The following SYTL3 variants were observed in gnomAD, a reference collection of about 807,000 sequenced individuals.
The protein encoded by SYTL3 is synaptotagmin-like protein 3.
A neutral mutation model predicts 82.1 loss-of-function variants in SYTL3; 88 were observed. That is an observed-to-expected ratio of 1.07 (90% CI 0.90 to 1.28). The LOEUF (loss-of-function observed/expected upper bound fraction) is 1.28, where lower values mean the gene tolerates loss of function less well. Among genes scored for constraint, SYTL3 ranks in the 50% most tolerant of loss-of-function variants. SYTL3 has a pLI of 0.00. For missense variants in SYTL3, 831 were observed against 757.6 expected (o/e 1.10, Z -1.14); for synonymous variants, 311 against 289.4 (o/e 1.07, Z -0.76).
chr6:158,713,037 G>C (rs1782937742), intron 8 of SYTL3, among the ~76,000 whole-genome samples: 1 of 152,168 alleles, frequency 6.6e-6, no homozygotes, highest in Non-Finnish European at 1.5e-5. Flanking sequence ...TGGGATTACA[G>C]GCGTGAGCCA....
intron 8 of SYTL3, among the ~76,000 whole-genome samples, chr6:158,708,648 G>A (rs547140482): frequency 6.6e-6 from 1 of 152,158 alleles, no homozygotes; most frequent in Admixed American, 6.5e-5. Flanking sequence ...TTTACTCTTG[G>A]CATGGCATCG....
chr6:158,675,673 C>T (rs977529806), intron 5 of SYTL3, among the ~76,000 whole-genome samples: 6 of 152,240 alleles, frequency 3.9e-5, no homozygotes, highest in East Asian at 1.9e-4. Flanking sequence ...AATGGCCGGG[C>T]GCAGTGGCTC....
chr6:158,648,934 G>A (rs781197604), upstream of SYTL3, among the ~76,000 whole-genome samples: 1 of 152,216 alleles, frequency 6.6e-6, no homozygotes, highest in Non-Finnish European at 1.5e-5. Context: ...CTGCTATTGA[G>A]CTGGGAAGCG....
rs1400817762 is a variant in SYTL3 at position 158,737,778 on chromosome 6, TGATG to T, written c.856-7695_856-7692del. Among the ~76,000 whole-genome samples the T allele has an allele frequency of 7.9e-5, 12 of 152,356 alleles. No homozygotes were observed. The East Asian group carries it at 2.3e-3, about 29-fold the overall frequency. On this transcript the variant is annotated intron_variant, in intron 11 of 17. Transcript: ENST00000611299. ...TGAGTCGCCTGGGAAGGAACGCATT[TGATG>T]GATGGACGTGCTCTGCTCTCCTTTC...
At chr6:158,682,131 G>T (rs1778761601) in intron 5 of SYTL3, among the ~76,000 whole-genome samples, 1 of 152,010 alleles carries the variant, frequency 6.6e-6, no homozygotes, top group African/African-American at 2.4e-5. Context: ...TAGAGACAGG[G>T]TTTTGCCATG....
rs180784791 is a variant in SYTL3, at chr6:158,685,561, G to T, written c.394+2572G>T. 7.9e-5 allele frequency among the ~76,000 whole-genome samples: 12 copies of T among 151,438 alleles called. No individual in the cohort carries two copies. The East Asian group carries it at 2.4e-3, about 30-fold the overall frequency. On this transcript the variant is annotated intron_variant, in intron 6 of 17. Coordinates refer to ENST00000611299, the MANE Select transcript of SYTL3 (RefSeq NM_001242394.2). Reference sequence around the variant, plus strand: ...TGACCGGGCCCGGTGGCTCACACTTGTAATCCCAGCACTTTGGGAGGCCGA... The same window carrying T: ...TGACCGGGCCCGGTGGCTCACACTTTTAATCCCAGCACTTTGGGAGGCCGA...
intron 8 of SYTL3, among the ~76,000 whole-genome samples, chr6:158,712,764 T>C (rs1297108784): frequency 5.4e-5 from 8 of 148,898 alleles, no homozygotes; most frequent in Non-Finnish European, 1.0e-4. Flanking sequence ...TCTTTCTTTT[T>C]TTTTTTTTTT....
At chr6:158,725,905 T>C in intron 11 of SYTL3, 2 of 689,802 alleles carry the variant, frequency 2.9e-6, no homozygotes, top group South Asian at 2.9e-5. Flanking sequence ...TCTGTAGCTT[T>C]CTATAATGCA....
At chr6:158,755,760 C>T (rs1418716579) in intron 13 of SYTL3, among the ~76,000 whole-genome samples, 2 of 152,188 alleles carry the variant, frequency 1.3e-5, no homozygotes, top group Non-Finnish European at 2.9e-5. Flanking sequence ...TGCAAGTGTC[C>T]AGCCTCACAG....
intron 12 of SYTL3, among the ~76,000 whole-genome samples, chr6:158,748,127 A>T (rs1787905510): frequency 3.6e-5 from 5 of 137,440 alleles, no homozygotes; most frequent in African/African-American, 5.6e-5. Flanking sequence ...AGCGGAATTG[A>T]TTTTCTATAT....
intron 13 of SYTL3, 85 bp from the exon 14 acceptor site, chr6:158,757,125 GC>G: frequency 7.3e-7 from 1 of 1,377,590 alleles, no homozygotes. Context: ...GGGAAGTGGG[GC>G]CCTGGAAGGT....
chr6:158,747,040 G>A (rs1454956153), intron 12 of SYTL3, among the ~76,000 whole-genome samples: 2 of 152,158 alleles, frequency 1.3e-5, no homozygotes, highest in Non-Finnish European at 2.9e-5. Context: ...AGGCTGGAGT[G>A]TATTGGCACG....
intron 12 of SYTL3, among the ~76,000 whole-genome samples, chr6:158,747,010 G>A (rs1011387910): frequency 5.3e-5 from 8 of 151,786 alleles, no homozygotes; most frequent in African/African-American, 1.5e-4. Flanking sequence ...TTTTTGAGAC[G>A]GAGTCTTGCT....
intron 6 of SYTL3, among the ~76,000 whole-genome samples, chr6:158,703,989 G>C (rs995311151): frequency 5.9e-5 from 9 of 151,738 alleles, no homozygotes; most frequent in Non-Finnish European, 1.5e-5. Context: ...GCCCGGCTAG[G>C]CTAATCTTTG....
chr6:158,763,369 GC>G lies in SYTL3; in HGVS notation c.1588del (p.Gln530SerfsTer11), dbSNP rs752033409. On this transcript the variant is annotated frameshift_variant, in exon 17 of 18. Coordinates refer to ENST00000611299, the MANE Select transcript of SYTL3 (RefSeq NM_001242394.2). LOFTEE classifies it high-confidence loss of function. ...LKSPVLRKQA[C>X]PQWKHSFVFS... ...TCGCCAGTCCTGAGGAAGCAGGCTT[GC>G]CCCCAGTGGAAACACTCATTTGTCT... 1.9e-6 allele frequency: 3 copies of G among 1,614,180 alleles called. No individual in the cohort carries two copies. Among genetic ancestry groups the G allele is most frequent in the East Asian group, 2.2e-5 (1 of 44,890 alleles).
At chr6:158,704,161 C>T (rs143773308) in intron 6 of SYTL3, among the ~76,000 whole-genome samples, 50 of 150,204 alleles carry the variant, frequency 3.3e-4, no homozygotes, top group African/African-American at 1.2e-3. Flanking sequence ...AAAAAAAAAA[C>T]AAAAGAATAA....
chr6:158,748,922 A>G (rs1043464665), intron 12 of SYTL3, among the ~76,000 whole-genome samples: 2 of 151,938 alleles, frequency 1.3e-5, no homozygotes, highest in African/African-American at 4.8e-5. Flanking sequence ...ACTTGCAGAC[A>G]TTCAAGTATA....
chr6:158,708,220 G>A (rs183005877), intron 7 of SYTL3, 102 bp from the exon 8 acceptor site: 3 of 1,091,720 alleles, frequency 2.7e-6, no homozygotes, highest in African/African-American at 3.1e-5. Context: ...AAAAAAGGCG[G>A]AGAACTAGAA....
chr6:158,690,928 G>A (rs1467464141), intron 6 of SYTL3, among the ~76,000 whole-genome samples: 3 of 152,240 alleles, frequency 2.0e-5, no homozygotes, highest in Admixed American at 6.5e-5. Context: ...TTGGCAATCC[G>A]TGCAGAGGGT....
Sources: allele counts gnomAD v4.1 joint callset (sites outside exome capture counted in the v4.1 genomes callset), GRCh38; gene constraint gnomAD v4.1.1; transcripts MANE v1.5; gene names NCBI Gene and HGNC (gene_info 2026-07-23, HGNC 2026-07-21).